Variants in PCDHA2 observed in about 807,000 individuals in gnomAD.
PCDHA2 encodes protocadherin alpha-2.
Under a neutral mutation model 66.0 loss-of-function variants are expected in PCDHA2, and 58 were observed. That is an observed-to-expected ratio of 0.88 (90% CI 0.71 to 1.09). The LOEUF is 1.09. PCDHA2 is among the 50% of genes least tolerant of loss of function. The pLI, the probability that PCDHA2 is intolerant of heterozygous loss-of-function variation, is 0.00. For missense variants in PCDHA2, 1,267 were observed against 1,242.3 expected (o/e 1.02, Z -0.30); for synonymous variants, 634 against 554.0 (o/e 1.14, Z -2.03).
intron 1 of PCDHA2, among the ~76,000 whole-genome samples, chr5:140,898,149 C>T (rs552851488): frequency 4.6e-4 from 70 of 152,244 alleles, no homozygotes; most frequent in African/African-American, 1.6e-3. Flanking sequence ...TGCCTGTTCA[C>T]GCTGATGGTG....
At chr5:140,926,598 G>A (rs2083387215) in intron 1 of PCDHA2, 1 of 313,802 alleles carries the variant, frequency 3.2e-6, no homozygotes. Flanking sequence ...CGGGCGGGCG[G>A]CCTCGTCTCT....
chr5:140,981,943 G>A (rs1207723761), intron 2 of PCDHA2, among the ~76,000 whole-genome samples: 2 of 152,116 alleles, frequency 1.3e-5, no homozygotes, highest in Non-Finnish European at 2.9e-5. Flanking sequence ...GGAAATATAG[G>A]GTGGGTCATC....
Position 140,795,706 on chromosome 5 carries a change from A to G in PCDHA2, c.742A>G (p.Lys248Glu). The G allele has an allele frequency of 6.2e-7, 1 of 1,614,148 alleles. No homozygotes were observed. Among genetic ancestry groups the G allele is most frequent in the Non-Finnish European group, 8.5e-7 (1 of 1,180,010 alleles). Residue 248 changes from lysine (K) to glutamate (E), a missense_variant, in exon 1 of 4, where the codon AAA (lysine) becomes GAA (glutamate). By Grantham distance (56) the Lys-to-Glu change is moderately conservative. Coordinates refer to ENST00000526136, the MANE Select transcript of PCDHA2 (RefSeq NM_018905.3). Reference sequence around the variant, plus strand: ...ACCAACTTTTGCCCAATCAGTTTACAAAGTAAAATTGTTAGAGAATACGGC... The same window carrying G: ...ACCAACTTTTGCCCAATCAGTTTACGAAGTAAAATTGTTAGAGAATACGGC... ...NEPTFAQSVY[K>E]VKLLENTANG...
rs182357788 is a variant in PCDHA2, at chr5:140,944,436, C to T, written c.2389-34513C>T. Among the ~76,000 whole-genome samples, 220 of 152,278 alleles carry T rather than the reference C, an allele frequency of 1.4e-3. 1 individual carries two copies. Among genetic ancestry groups the T allele is most frequent in the African/African-American group, 4.9e-3 (204 of 41,560 alleles). The stretch of plus-strand genomic sequence containing the variant: ...TCCTGATCTGAAGTGGTCTGCCTGC[C>T]TCGGCCTCCCAAAGTGCTGGGATTA... On this transcript the variant is annotated intron_variant, in intron 1 of 3. Coordinates refer to ENST00000526136, the MANE Select transcript of PCDHA2 (RefSeq NM_018905.3).
At chr5:140,825,174 A>G (rs1768469302) in intron 1 of PCDHA2, 1 of 151,548 alleles carries the variant, frequency 6.6e-6, no homozygotes, top group Non-Finnish European at 1.5e-5. Flanking sequence ...TTCATTTACT[A>G]ATGTATCTTG....
chr5:140,971,799 TTA>T (rs1435483264), intron 1 of PCDHA2, among the ~76,000 whole-genome samples: 2 of 152,164 alleles, frequency 1.3e-5, no homozygotes, highest in East Asian at 3.8e-4. Flanking sequence ...ATATTGAATA[TTA>T]TAATATTGAA....
Position 140,853,619 on chromosome 5 carries a change from G to C in PCDHA2, c.2388+56267G>C. 2.0e-6 allele frequency: 2 copies of C among 988,316 alleles called. 1 individual carries two copies. The allele number at this position is 988,316 out of a possible 1,614,324, so 61.2% of individuals were successfully genotyped here. A position where few individuals can be genotyped will look rare whatever the true frequency, so the allele number is the denominator to read the frequency against. ...AGAGCAAAGGGGGTGCTGTAAATAA[G>C]TATACAAGATCACAGACCTAAATTG... On this transcript the variant is annotated intron_variant, in intron 1 of 3. Transcript: ENST00000526136.
chr5:140,870,714 C>G (rs2052324296), intron 1 of PCDHA2: 3 of 1,613,110 alleles, frequency 1.9e-6, no homozygotes, highest in Non-Finnish European at 8.5e-7. Context: ...TGAGCGCGCG[C>G]GATGCGGGCG....
At chr5:140,930,143 T>C (rs1375967730) in intron 1 of PCDHA2, 4 of 152,204 alleles carry the variant, frequency 2.6e-5, no homozygotes, top group Non-Finnish European at 5.9e-5. Context: ...ACCTTTTGTT[T>C]TGTGTTTCTA....
rs2150128291 is a variant in PCDHA2, at chr5:140,823,697, C to G, written c.2388+26345C>G. On this transcript the variant is annotated intron_variant, in intron 1 of 3. Coordinates refer to ENST00000526136, the MANE Select transcript of PCDHA2 (RefSeq NM_018905.3). ...ACACGCTCTCTGGATGAGACCGAAG[C>G]ACCGCGCCACCGCCTTCTGGTGCTG... 29 of 1,613,838 alleles carry G rather than the reference C, an allele frequency of 1.8e-5. No individual in the cohort carries two copies. The highest frequency in any genetic ancestry group is 2.3e-5 in the Non-Finnish European group (27 of 1,179,946).
At chr5:140,888,286 C>A (rs1277980750) in intron 1 of PCDHA2, among the ~76,000 whole-genome samples, 7 of 152,080 alleles carry the variant, frequency 4.6e-5, no homozygotes, top group African/African-American at 1.7e-4. Context: ...TCCCCTCTAC[C>A]CCCTACCCAG....
chr5:140,959,107 C>A (rs1330357931), intron 1 of PCDHA2, among the ~76,000 whole-genome samples: 1 of 151,920 alleles, frequency 6.6e-6, no homozygotes, highest in South Asian at 2.1e-4. Context: ...CAGCAGGGGT[C>A]CGAAGGTGGG....
chr5:140,902,413 C>T (rs2069433988), intron 1 of PCDHA2, among the ~76,000 whole-genome samples: 1 of 152,014 alleles, frequency 6.6e-6, no homozygotes, highest in African/African-American at 2.4e-5. Context: ...TGTTGAATAA[C>T]AGTGGTGAAA....
intron 1 of PCDHA2, among the ~76,000 whole-genome samples, chr5:140,934,604 G>C (rs1389000917): frequency 6.6e-6 from 1 of 151,762 alleles, no homozygotes; most frequent in Non-Finnish European, 1.5e-5. Context: ...TCAACTATTT[G>C]ATTAGCCTGA....
intron 1 of PCDHA2, chr5:140,852,818 G>A: frequency 1.0e-6 from 1 of 971,786 alleles, no homozygotes; most frequent in Non-Finnish European, 1.2e-6. Flanking sequence ...CCCGCCCTAA[G>A]TCCTCCAGTC....
intron 1 of PCDHA2, chr5:140,862,835 G>T (rs781856164): frequency 3.5e-6 from 2 of 575,630 alleles, no homozygotes; most frequent in African/African-American, 1.9e-5. Flanking sequence ...CGCGACGCGG[G>T]CATGCCGCCT....
chr5:140,817,721 A>G (rs1554127290), intron 1 of PCDHA2: 1 of 152,162 alleles, frequency 6.6e-6, no homozygotes, highest in Non-Finnish European at 1.5e-5. Flanking sequence ...GTTAACACCT[A>G]TATATGTTTC....
intron 1 of PCDHA2, among the ~76,000 whole-genome samples, chr5:140,972,811 G>A (rs1458279738): frequency 2.6e-5 from 4 of 151,876 alleles, no homozygotes; most frequent in African/African-American, 4.8e-5. Flanking sequence ...TTACAGGCAC[G>A]CGCCACCACG....
At chr5:140,875,743 G>A (rs782705899) in intron 1 of PCDHA2, 7 of 1,614,108 alleles carry the variant, frequency 4.3e-6, no homozygotes, top group Non-Finnish European at 5.1e-6. Context: ...TTCTCGGATC[G>A]ACCGCGAGAA....
Sources: gnomAD v4.1 joint callset for allele counts (sites outside exome capture counted in the v4.1 genomes callset) on GRCh38, gnomAD v4.1.1 for gene constraint, MANE v1.5 for transcripts, NCBI Gene and HGNC (gene_info 2026-07-23, HGNC 2026-07-21) for gene names.